SMG1: variants seen among roughly 807,000 people sequenced by gnomAD.
SMG1 encodes SMG1 nonsense mediated mRNA decay associated PI3K related kinase.
SMG1 carries 22 observed loss-of-function variants against 419.9 expected under a neutral mutation model. The observed-to-expected ratio is 0.05, with a 90% CI of 0.04 to 0.07. The LOEUF is 0.07. Ranked by LOEUF, SMG1 falls within the 10% of genes least tolerant of loss-of-function variation. SMG1 has a pLI of 1.00. For missense variants in SMG1, 3,185 were observed against 4,342.0 expected (o/e 0.73, Z 7.49); for synonymous variants, 1,538 against 1,553.5 (o/e 0.99, Z 0.23).
intron 13 of SMG1, among the ~76,000 whole-genome samples, chr16:18,872,998 A>G (rs1475045312): frequency 6.6e-6 from 1 of 151,996 alleles, no homozygotes; most frequent in Non-Finnish European, 1.5e-5. Flanking sequence ...TACTAAAATT[A>G]CAAAAATTAG....
intron 31 of SMG1, 101 bp from the exon 32 acceptor site, chr16:18,852,563 TGCAA>T: frequency 9.4e-7 from 1 of 1,060,218 alleles, no homozygotes; most frequent in East Asian, 2.8e-5. Context: ...GGTTTTTATC[TGCAA>T]GCAATCAAAA....
At position 18,833,109 on chromosome 16, in the gene SMG1, T is replaced by G; in HGVS notation, c.8623A>C (p.Lys2875Gln). Reference sequence around the variant, plus strand: ...ATACTTTCTAACGTGTATTCCCCTTTCATTAAACATCGAAGTGCTTCTGGA... The same window carrying G: ...ATACTTTCTAACGTGTATTCCCCTTGCATTAAACATCGAAGTGCTTCTGGA... Reference protein sequence around the residue: ...IFPEALRCLMKGEYTLESMLH... With the variant: ...IFPEALRCLMQGEYTLESMLH... Residue 2875 changes from lysine to glutamine, a missense_variant, in exon 51 of 63, where the codon AAA becomes CAA. Around this residue, in one of 27 missense-constraint regions of SMG1, gnomAD observed 412 missense variants for 546.6 expected, o/e 0.75. Coordinates refer to ENST00000446231, the MANE Select transcript of SMG1 (RefSeq NM_015092.5). 1 of 1,613,998 alleles carries G rather than the reference T, an allele frequency of 6.2e-7. No individual in the cohort carries two copies. Among genetic ancestry groups the G allele is most frequent in the Non-Finnish European group, 8.5e-7 (1 of 1,179,886 alleles).
rs1309045700 is a variant in SMG1, at chr16:18,845,514, C to T, written c.6134G>A (p.Gly2045Asp). Residue 2045 changes from glycine (G) to aspartate (D), a missense_variant, in exon 39 of 63, where the codon GGT (glycine) becomes GAT (aspartate). Physicochemically the swap from Gly to Asp is moderately conservative, Grantham distance 94 (BLOSUM62 -1). This residue lies in a region of SMG1 where 159 missense variants were observed against 196.0 expected (regional missense o/e 0.81). Transcript: ENST00000446231. ...PHEKWFQDNY[G>D]DAIENALEKL... Reference sequence around the variant, plus strand: ...TTCTAGGGCATTTTCAATGGCATCACCATAGTTATCCTGAAACCATTTTTC... The same window carrying T: ...TTCTAGGGCATTTTCAATGGCATCATCATAGTTATCCTGAAACCATTTTTC... 2 of 1,613,950 alleles carry T rather than the reference C, an allele frequency of 1.2e-6. No individual in the cohort carries two copies. The highest frequency in any genetic ancestry group is 2.2e-5 in the East Asian group (1 of 44,874).
In SMG1 at chr16:18,837,192, C is replaced by T. The variant is rs146173231; in HGVS notation, c.7604+61G>A. ...TAATTCTAATCCATATTGATGTTTA[C>T]ATGAATATGAAAATTCTAATTAATG... On this transcript the variant is annotated intron_variant, in intron 46 of 62. Coordinates refer to ENST00000446231, the MANE Select transcript of SMG1 (RefSeq NM_015092.5). The T allele has an allele frequency of 3.4e-4, 481 of 1,401,438 alleles. 1 individual carries two copies. The highest frequency in any genetic ancestry group is 8.5e-4 in the Admixed American group (40 of 47,074). The allele number at this position is 1,401,438 out of a possible 1,614,324, so 86.8% of individuals were successfully genotyped here.
At chr16:18,910,980 T>C (rs1248859995) in intron 1 of SMG1, among the ~76,000 whole-genome samples, 1 of 152,200 alleles carries the variant, frequency 6.6e-6, no homozygotes, top group African/African-American at 2.4e-5. Flanking sequence ...AAGCTACCTT[T>C]TAACCTACCC....
At chr16:18,920,964 CCCATCT>C (rs2038174360) in intron 1 of SMG1, among the ~76,000 whole-genome samples, 1 of 152,012 alleles carries the variant, frequency 6.6e-6, no homozygotes, top group Admixed American at 6.6e-5. Flanking sequence ...ATGGTGAAAT[CCCATCT>C]CCACTAAAAA....
At chr16:18,915,614 T>C (rs2037938771) in intron 1 of SMG1, among the ~76,000 whole-genome samples, 3 of 152,082 alleles carry the variant, frequency 2.0e-5, no homozygotes, top group Admixed American at 2.0e-4. Context: ...GCAGGTTGTA[T>C]TTTACTGGAG....
At chr16:18,833,996 T>C (rs953455286) in intron 50 of SMG1, among the ~76,000 whole-genome samples, 6 of 152,178 alleles carry the variant, frequency 3.9e-5, no homozygotes, top group Non-Finnish European at 5.9e-5. Context: ...TTTTTGACTA[T>C]TACAAATAAA....
At chr16:18,811,903 T>C (rs761172335) in intron 61 of SMG1, 36 bp from the exon 62 acceptor site, 4 of 1,612,678 alleles carry the variant, frequency 2.5e-6, no homozygotes, top group Non-Finnish European at 3.4e-6. Context: ...AGTCAAACCG[T>C]CATTTTATAT....
intron 1 of SMG1, among the ~76,000 whole-genome samples, chr16:18,899,690 GA>G (rs1372968505): frequency 1.3e-5 from 2 of 152,096 alleles, no homozygotes; most frequent in Admixed American, 6.6e-5. Flanking sequence ...CCACAAAATA[GA>G]AACTGCAGAT....
chr16:18,817,477 A>G lies in SMG1; in HGVS notation c.9895-7T>C. 6.4e-7 allele frequency: 1 copy of G among 1,560,554 alleles called. No homozygotes were observed. The highest frequency in any genetic ancestry group is 8.7e-7 in the Non-Finnish European group (1 of 1,150,962). On this transcript the variant is annotated splice_region_variant and splice_polypyrimidine_tract_variant and intron_variant, in intron 56 of 62. Transcript: ENST00000446231. ...TGCTGCAGAGAAATGTGACCTGTAA[A>G]GACAGAAATGGAACCACAAGAGGAG...
chr16:18,864,184 TTAC>T (rs2035365096), intron 23 of SMG1, 40 bp from the exon 24 acceptor site: 13 of 1,146,150 alleles, frequency 1.1e-5, no homozygotes, highest in South Asian at 7.0e-5. Context: ...ATTTATCTAC[TTAC>T]TTTTTTTTTT....
Position 18,892,329 on chromosome 16 carries a change from C to T in SMG1, c.438G>A (p.Glu146=). 1.3e-6 allele frequency: 2 copies of T among 1,549,680 alleles called. No homozygotes were observed. Among genetic ancestry groups the T allele is most frequent in the South Asian group, 1.2e-5 (1 of 83,984 alleles). Residue 146 remains glutamate (E), a synonymous_variant, in exon 4 of 63, where the codon GAG becomes GAA. Coordinates refer to ENST00000446231, the MANE Select transcript of SMG1 (RefSeq NM_015092.5). ...SQERSMSYSD[E]SRLSNLLRRI... is the part of the protein sequence containing the mutation. ...TCCGAAGAAGATTCGACAGTCGAGACTCATCAGAATAAGACATCGATCTCT... is the reference window on the plus strand; with the variant it reads ...TCCGAAGAAGATTCGACAGTCGAGATTCATCAGAATAAGACATCGATCTCT...
intron 13 of SMG1, chr16:18,875,382 G>A (rs1435629197): frequency 1.3e-5 from 2 of 152,458 alleles, no homozygotes; most frequent in Non-Finnish European, 2.9e-5. Flanking sequence ...CCTGAGGTCA[G>A]GAGTTCACAA....
intron 55 of SMG1, among the ~76,000 whole-genome samples, chr16:18,827,768 T>C (rs1401825287): frequency 6.8e-6 from 1 of 146,022 alleles, no homozygotes; most frequent in Admixed American, 6.9e-5. Flanking sequence ...GGTATAAATA[T>C]ATCTAAATAT....
intron 54 of SMG1, among the ~76,000 whole-genome samples, chr16:18,828,998 CAA>C (rs5816012): frequency 7.8e-4 from 96 of 122,354 alleles, no homozygotes; most frequent in Non-Finnish European, 7.8e-4. Flanking sequence ...AACTCCATCT[CAA>C]AAAAAAAAAA....
intron 59 of SMG1, 38 bp from the exon 60 acceptor site, chr16:18,815,319 T>A (rs202042186): frequency 3.1e-4 from 473 of 1,537,116 alleles, no homozygotes; most frequent in Non-Finnish European, 4.0e-4. Context: ...TACGAAATGT[T>A]TTACCTGATA....
In SMG1 at chr16:18,876,355, G is replaced by A. The variant is rs746733674; in HGVS notation, c.1659C>T (p.Leu553=). The change falls in exon 13 of 63, where the codon CTC becomes CTT. Residue 553 remains leucine, a synonymous_variant. Coordinates refer to ENST00000446231, the MANE Select transcript of SMG1 (RefSeq NM_015092.5). ...CCAAAACAGGAATATTCTTCAAGCT[G>A]AGCACTGCTTGATAAACAGCATGGG... ...AVAHAVYQAV[L]SLKNIPVLET... is the part of the protein sequence containing the mutation. 19 of 1,610,840 alleles carry A rather than the reference G, an allele frequency of 1.2e-5. No individual in the cohort carries two copies. The South Asian group carries it at 2.0e-4, about 17-fold the overall frequency.
Position 18,836,206 on chromosome 16 carries a change from G to T in SMG1, c.7784C>A (p.Pro2595Gln), listed in dbSNP as rs761408147. Residue 2595 changes from proline (P) to glutamine (Q), a missense_variant, in exon 48 of 63, where the codon CCA becomes CAA. Pro to Gln is a moderately conservative substitution (Grantham distance 76). Coordinates refer to ENST00000446231, the MANE Select transcript of SMG1 (RefSeq NM_015092.5). The stretch of plus-strand genomic sequence containing the variant: ...AAAGGCTGTTGCTGGCACGTAACTT[G>T]GAGGACCTTTTGGTAAAAGACATTA... Reference protein sequence around the residue: ...EISTQMDLGPPSYVPATAFLQ... With the variant: ...EISTQMDLGPQSYVPATAFLQ... The T allele has an allele frequency of 1.2e-6, 2 of 1,611,348 alleles. No individual in the cohort carries two copies. Among genetic ancestry groups the T allele is most frequent in the African/African-American group, 2.7e-5 (2 of 74,872 alleles).
Sources: gnomAD v4.1 joint callset for allele counts (sites outside exome capture counted in the v4.1 genomes callset) on GRCh38, gnomAD v4.1.1 for gene constraint, gnomAD v4.1.1 regional missense constraint, MANE v1.5 for transcripts, NCBI Gene and HGNC (gene_info 2026-07-23, HGNC 2026-07-21) for gene names.